Variants in BNC2 observed in about 807,000 individuals in gnomAD.
The protein encoded by BNC2 is basonuclin zinc finger protein 2, also known as zinc finger protein basonuclin-2.
In BNC2, 20 loss-of-function variants were observed where a neutral mutation model predicts 76.3. The ratio of observed to expected loss-of-function variants is 0.26; its 90% CI spans 0.18 to 0.38. The LOEUF (loss-of-function observed/expected upper bound fraction) is 0.38. Among genes scored for constraint, BNC2 ranks in the 10% least tolerant of loss-of-function variants. The pLI, the probability that BNC2 is intolerant of heterozygous loss-of-function variation, is 1.00. For missense variants in BNC2, 1,382 were observed against 1,399.8 expected, an observed-to-expected ratio of 0.99 and a Z score of 0.20; for synonymous variants, 582 against 514.8, an observed-to-expected ratio of 1.13 and a Z score of -1.77.
At chr9:16,703,395 G>A (rs933690708) in intron 3 of BNC2, among the ~76,000 whole-genome samples, 1 of 151,936 alleles carries the variant, frequency 6.6e-6, no homozygotes, top group Non-Finnish European at 1.5e-5. Flanking sequence ...ATTTTAAAAT[G>A]TACAACTAAA....
At chr9:16,680,611 G>C (rs1477188341) in intron 3 of BNC2, among the ~76,000 whole-genome samples, 1 of 151,210 alleles carries the variant, frequency 6.6e-6, no homozygotes, top group Admixed American at 6.6e-5. Context: ...CAGGGAATAA[G>C]GGGCCTTTCC....
chr9:16,751,510 C>T (rs1825193623), intron 1 of BNC2, among the ~76,000 whole-genome samples: 1 of 151,240 alleles, frequency 6.6e-6, no homozygotes, highest in Non-Finnish European at 1.5e-5. Flanking sequence ...TAATTTTTCT[C>T]AAAATAAAAG....
intron 5 of BNC2, among the ~76,000 whole-genome samples, chr9:16,545,477 C>G (rs145838387): frequency 6.5e-4 from 99 of 152,280 alleles, no homozygotes; most frequent in Non-Finnish European, 1.1e-3. Flanking sequence ...TGAATAAAGA[C>G]ACGGGCCTAA....
intron 3 of BNC2, among the ~76,000 whole-genome samples, chr9:16,659,789 C>T (rs1016336045): frequency 7.9e-5 from 12 of 152,116 alleles, no homozygotes; most frequent in African/African-American, 1.2e-4. Context: ...TGTAAAATAA[C>T]AGGCTCCTCT....
At chr9:16,669,129 A>G (rs888657874) in intron 3 of BNC2, among the ~76,000 whole-genome samples, 1 of 152,216 alleles carries the variant, frequency 6.6e-6, no homozygotes, top group African/African-American at 2.4e-5. Context: ...ACCACATTTG[A>G]CATATTTTGG....
chr9:16,724,603 T>C (rs1824258364), intron 3 of BNC2, among the ~76,000 whole-genome samples: 1 of 152,104 alleles, frequency 6.6e-6, no homozygotes, highest in Admixed American at 6.5e-5. Flanking sequence ...ACTTGAACTT[T>C]AGGGGCACAT....
intron 3 of BNC2, among the ~76,000 whole-genome samples, chr9:16,601,241 C>T (rs1011088910): frequency 6.6e-6 from 1 of 152,134 alleles, no homozygotes; most frequent in Non-Finnish European, 1.5e-5. Context: ...ACTCCAGAAT[C>T]GGGGAATCGC....
intron 3 of BNC2, among the ~76,000 whole-genome samples, chr9:16,719,480 C>T (rs932132750): frequency 6.6e-6 from 1 of 152,110 alleles, no homozygotes; most frequent in Non-Finnish European, 1.5e-5. Flanking sequence ...TTTTCAGACA[C>T]CCAGTTCAGG....
At chr9:16,841,912 T>A (rs1818839184) in intron 1 of BNC2, among the ~76,000 whole-genome samples, 1 of 151,782 alleles carries the variant, frequency 6.6e-6, no homozygotes, top group South Asian at 2.1e-4. Context: ...CGAGTTCAAG[T>A]GATTCTCCTG....
At position 16,417,972 on chromosome 9, in the gene BNC2, C is replaced by G. The variant is rs536523382; in HGVS notation, c.*1017G>C. ...TATGTTGAGTGACTAATTGTATTTT[C>G]TTTTCTGGAAACTTGTGCAAAGTTG... On this transcript the variant is annotated 3_prime_UTR_variant, in exon 7 of 7. Transcript: ENST00000380672. The G allele has an allele frequency of 1.3e-5, 2 of 152,704 alleles. No homozygotes were observed. Among genetic ancestry groups the G allele is most frequent in the South Asian group, 4.1e-4 (2 of 4,824 alleles). 9.5% of individuals were successfully genotyped at this position (152,704 alleles called of 1,614,324 possible). A position where few individuals can be genotyped will look rare whatever the true frequency, so the allele number is the denominator to read the frequency against.
At chr9:16,664,092 T>C (rs1822193647) in intron 3 of BNC2, among the ~76,000 whole-genome samples, 1 of 152,182 alleles carries the variant, frequency 6.6e-6, no homozygotes, top group South Asian at 2.1e-4. Flanking sequence ...ATAATAGGCC[T>C]TTATTCCTCC....
chr9:16,814,622 A>G (rs374064560), intron 1 of BNC2, among the ~76,000 whole-genome samples: 17 of 152,218 alleles, frequency 1.1e-4, no homozygotes, highest in East Asian at 7.7e-4. Flanking sequence ...TTATGGGTAA[A>G]CAGATGACCA....
chr9:16,853,594 C>T (rs1819181305), intron 1 of BNC2, among the ~76,000 whole-genome samples: 2 of 152,110 alleles, frequency 1.3e-5, no homozygotes, highest in South Asian at 4.1e-4. Flanking sequence ...CAGCTGGGCG[C>T]TGTGGCTCGC....
Position 16,777,382 on chromosome 9 carries a change from C to T in BNC2, c.4-38897G>A, listed in dbSNP as rs1825997806. 3.3e-5 allele frequency among the ~76,000 whole-genome samples: 5 copies of T among 152,086 alleles called. No individual in the cohort carries two copies. In the South Asian group the frequency reaches 1.0e-3, roughly 32 times the overall value. On this transcript the variant is annotated intron_variant, in intron 1 of 6. Transcript: ENST00000380672. The stretch of plus-strand genomic sequence containing the variant: ...AGCAAATTTGAATTGAATTTATCAT[C>T]AAACCTCAGGGAAATTATTTCATAA...
chr9:16,771,278 A>G (rs1825824858), intron 1 of BNC2, among the ~76,000 whole-genome samples: 1 of 152,322 alleles, frequency 6.6e-6, no homozygotes, highest in South Asian at 2.1e-4. Flanking sequence ...AAAGGTATCA[A>G]TTTGCTGAGA....
At chr9:16,536,438 G>T (rs1428462928) in intron 5 of BNC2, among the ~76,000 whole-genome samples, 1 of 152,138 alleles carries the variant, frequency 6.6e-6, no homozygotes, top group East Asian at 1.9e-4. Flanking sequence ...ATAAGCTGAG[G>T]TATGTGAGTT....
In BNC2 at chr9:16,659,606, CAAA is replaced by C. The variant is rs779661465; in HGVS notation, c.330+68188_330+68190del. On this transcript the variant is annotated intron_variant, in intron 3 of 6. Coordinates refer to ENST00000380672, the MANE Select transcript of BNC2 (RefSeq NM_017637.6). ...CCGGTGACAGAGCGAGACTCCGTCT[CAAA>C]AAAAAAAAAAAAAAAATTACCAAGC... is the stretch of plus-strand genomic sequence containing the variant. Among the ~76,000 whole-genome samples the C allele has an allele frequency of 1.1e-4, 14 of 122,922 alleles. No homozygotes were observed. The South Asian group carries it at 3.6e-3, about 32-fold the overall frequency. The allele number at this position is 122,922 out of a possible 152,430, so 80.6% of individuals were successfully genotyped here. A position where few individuals can be genotyped will look rare whatever the true frequency, so the allele number is the denominator to read the frequency against.
intron 5 of BNC2, among the ~76,000 whole-genome samples, chr9:16,472,953 G>C (rs1400458421): frequency 1.3e-5 from 2 of 152,224 alleles, no homozygotes; most frequent in African/African-American, 4.8e-5. Flanking sequence ...GTCATCCACA[G>C]AGAGGCAGCA....
At chr9:16,561,134 G>A (rs573914831) in intron 4 of BNC2, among the ~76,000 whole-genome samples, 1 of 152,150 alleles carries the variant, frequency 6.6e-6, no homozygotes, top group Non-Finnish European at 1.5e-5. Context: ...AGCTACTCAG[G>A]AGGCTGAGAT....
Sources: gnomAD v4.1 joint callset for allele counts (sites outside exome capture counted in the v4.1 genomes callset) on GRCh38, gnomAD v4.1.1 for gene constraint, MANE v1.5 for transcripts, NCBI Gene and HGNC (gene_info 2026-07-23, HGNC 2026-07-21) for gene names.